Variants in PM20D2 observed in about 807,000 individuals in gnomAD.
The protein encoded by PM20D2 is xaa-Arg dipeptidase.
In PM20D2, 33 loss-of-function variants were observed where a neutral mutation model predicts 42.9. That is an observed-to-expected ratio of 0.77 (90% confidence interval 0.58 to 1.03). The LOEUF (loss-of-function observed/expected upper bound fraction) is 1.03, where lower values mean the gene tolerates loss of function less well. Ranked by LOEUF, PM20D2 falls within the 50% of genes least tolerant of loss-of-function variation. PM20D2 has a pLI of 0.00. For synonymous variants in PM20D2, 250 were observed against 228.2 expected (o/e 1.10, Z -0.86); for missense variants, 548 against 557.0 (o/e 0.98, Z 0.16).
chr6:89,146,847 C>T (rs970100835), intron 1 of PM20D2, among the ~76,000 whole-genome samples: 1 of 152,246 alleles, frequency 6.6e-6, no homozygotes, highest in Non-Finnish European at 1.5e-5. Flanking sequence ...GTTTCCTCCT[C>T]TCTAGTTATA....
intron 4 of PM20D2, among the ~76,000 whole-genome samples, chr6:89,158,015 AAT>A (rs1270754918): frequency 6.6e-6 from 1 of 152,114 alleles, no homozygotes. Flanking sequence ...TCAAAAATAA[AAT>A]AAAAATTTCT....
At chr6:89,156,457 T>C (rs990023767) in intron 4 of PM20D2, among the ~76,000 whole-genome samples, 1 of 152,250 alleles carries the variant, frequency 6.6e-6, no homozygotes, top group Non-Finnish European at 1.5e-5. Flanking sequence ...AGATAATGTT[T>C]CTGAAGGGTT....
the PM20D2 span, among the ~76,000 whole-genome samples, chr6:89,131,647 T>C: frequency 3.8e-4 from 58 of 152,296 alleles, no homozygotes; most frequent in African/African-American, 1.3e-3. Flanking sequence ...CTTAAAAGTT[T>C]GTTGTGGACT....
chr6:89,149,478 A>G, intron 2 of PM20D2, 65 bp downstream of exon 2: 1 of 1,530,586 alleles, frequency 6.5e-7, no homozygotes, highest in Non-Finnish European at 8.8e-7. Context: ...TTTTATGTCT[A>G]AACCAGAGAC....
At chr6:89,154,098 C>T (rs925270772) in intron 3 of PM20D2, among the ~76,000 whole-genome samples, 3 of 152,064 alleles carry the variant, frequency 2.0e-5, no homozygotes, top group Admixed American at 2.0e-4. Flanking sequence ...AGTTTTCCTG[C>T]TTTAGTTTCT....
rs1375043835 is a variant in PM20D2, at chr6:89,146,275, C to T, written c.131C>T (p.Ala44Val). 6.3e-7 allele frequency: 1 copy of T among 1,580,658 alleles called. No homozygotes were observed. Among genetic ancestry groups the T allele is most frequent in the East Asian group, 2.3e-5 (1 of 43,860 alleles). ...AAERLGALSRAIWSQPELAYE... is the reference protein window; with the variant it reads ...AAERLGALSRVIWSQPELAYE... Reference sequence around the variant, plus strand: ...GAGCGGCTGGGGGCCCTGAGCCGCGCGATCTGGAGCCAGCCCGAGCTGGCC... The same window carrying T: ...GAGCGGCTGGGGGCCCTGAGCCGCGTGATCTGGAGCCAGCCCGAGCTGGCC... The change falls in exon 1 of 7, where the codon GCG becomes GTG. Residue 44 changes from alanine to valine, a missense_variant. This residue lies in a region of PM20D2 where 470 missense variants were observed against 464.4 expected (regional missense o/e 1.01). Transcript: ENST00000275072.
At chr6:89,155,063 G>T (rs565394004) in intron 4 of PM20D2, among the ~76,000 whole-genome samples, 161 bp downstream of exon 4, 3 of 151,988 alleles carry the variant, frequency 2.0e-5, no homozygotes, top group Non-Finnish European at 4.4e-5. Flanking sequence ...ATTTTTACAC[G>T]TTTCATTCCT....
the PM20D2 span, among the ~76,000 whole-genome samples, chr6:89,099,486 GTGTA>G: frequency 1.2e-4 from 16 of 135,192 alleles, no homozygotes; most frequent in South Asian, 2.3e-4. Flanking sequence ...ATATATGTGT[GTGTA>G]TATATATATG....
chr6:89,111,037 A>G, the PM20D2 span, among the ~76,000 whole-genome samples: 5 of 152,062 alleles, frequency 3.3e-5, no homozygotes, highest in African/African-American at 1.2e-4. Flanking sequence ...ACTTGAGCCC[A>G]GGAGTTTGAG....
Position 89,153,106 on chromosome 6 carries a change from T to C in PM20D2, c.678T>C (p.Asn226=). The change falls in exon 3 of 7, where the codon AAT becomes AAC. Residue 226 remains asparagine, a synonymous_variant. Coordinates refer to ENST00000275072, the MANE Select transcript of PM20D2 (RefSeq NM_001010853.3). ...HSASYPWEGL[N]ALDAAVLAYN... The stretch of plus-strand genomic sequence containing the variant: ...CTTCTTATCCCTGGGAAGGATTAAA[T>C]GCATTAGATGCTGCTGTGCTGGCCT... 2 of 1,611,874 alleles carry C rather than the reference T, an allele frequency of 1.2e-6. No homozygotes were observed.
At chr6:89,108,997 CT>C in the PM20D2 span, among the ~76,000 whole-genome samples, 1 of 152,166 alleles carries the variant, frequency 6.6e-6, no homozygotes, top group African/African-American at 2.4e-5. Flanking sequence ...GTGACAATGT[CT>C]TTTTTCTTTT....
At chr6:89,132,312 T>A in the PM20D2 span, among the ~76,000 whole-genome samples, 3 of 144,926 alleles carry the variant, frequency 2.1e-5, no homozygotes, top group South Asian at 2.1e-4. Flanking sequence ...AAACTTCCTG[T>A]GCTGCCAAGC....
At chr6:89,108,344 TACAG>T in the PM20D2 span, among the ~76,000 whole-genome samples, 2 of 152,198 alleles carry the variant, frequency 1.3e-5, no homozygotes, top group Non-Finnish European at 2.9e-5. Flanking sequence ...TTACAGATGA[TACAG>T]ACAGATTATG....
rs1156403344 is a variant in PM20D2, at chr6:89,158,309, T to G, written c.913-16T>G. ...GAGTTTTTTATTTCAAAATTTGTTT[T>G]GCAATTTTTTATTAGGTGGAAATTA... is the stretch of plus-strand genomic sequence containing the variant. On this transcript the variant is annotated splice_polypyrimidine_tract_variant and intron_variant, in intron 4 of 6. Coordinates refer to ENST00000275072, the MANE Select transcript of PM20D2 (RefSeq NM_001010853.3). The G allele has an allele frequency of 6.4e-7, 1 of 1,562,186 alleles. No individual in the cohort carries two copies. Among genetic ancestry groups the G allele is most frequent in the East Asian group, 2.3e-5 (1 of 44,064 alleles).
the PM20D2 span, among the ~76,000 whole-genome samples, chr6:89,140,085 A>C: frequency 1.3e-5 from 2 of 152,094 alleles, no homozygotes; most frequent in African/African-American, 4.8e-5. Context: ...ACAGGCACAT[A>C]CCACCACACC....
At chr6:89,096,878 T>G in the PM20D2 span, 1 of 152,226 alleles carries the variant, frequency 6.6e-6, no homozygotes, top group Non-Finnish European at 1.5e-5. Flanking sequence ...AATATCTGTC[T>G]TACTCATTCT....
intron 2 of PM20D2, among the ~76,000 whole-genome samples, chr6:89,150,099 A>G (rs1770776628): frequency 6.6e-6 from 1 of 152,152 alleles, no homozygotes. Context: ...CAGCAAAACC[A>G]TGTGTTTTCC....
At chr6:89,149,532 A>G (rs553882751) in intron 2 of PM20D2, 119 bp downstream of exon 2, 3 of 1,240,884 alleles carry the variant, frequency 2.4e-6, no homozygotes, top group Middle Eastern at 2.8e-4. Context: ...TTGAAAGACA[A>G]TAACAAGATG....
At chr6:89,098,989 A>T in the PM20D2 span, 4 of 1,547,410 alleles carry the variant, frequency 2.6e-6, no homozygotes, top group Non-Finnish European at 3.5e-6. Flanking sequence ...TTCACACAAA[A>T]TAAGAGATCA....
Sources: allele counts gnomAD v4.1 joint callset (sites outside exome capture counted in the v4.1 genomes callset), GRCh38; gene constraint gnomAD v4.1.1; regional missense constraint gnomAD v4.1.1; transcripts MANE v1.5; gene names NCBI Gene and HGNC (gene_info 2026-07-23, HGNC 2026-07-21).